The following AKAP6 variants were observed in gnomAD, a reference collection of about 807,000 sequenced individuals.
AKAP6 encodes A-kinase anchoring protein 6, also known as A-kinase anchor protein 6.
In AKAP6, 58 loss-of-function variants were observed where a neutral mutation model predicts 188.5. That is an observed-to-expected ratio of 0.31 (90% confidence interval 0.25 to 0.38). The LOEUF is 0.38. Among genes scored for constraint, AKAP6 ranks in the 10% least tolerant of loss-of-function variants. The pLI is 1.00. For synonymous variants in AKAP6, 989 were observed against 998.6 expected (o/e 0.99, Z 0.18); for missense variants, 2,710 against 2,740.0 (o/e 0.99, Z 0.24).
intron 7 of AKAP6, among the ~76,000 whole-genome samples, chr14:32,616,263 A>G (rs1243499583): frequency 1.3e-5 from 2 of 152,198 alleles, no homozygotes; most frequent in Non-Finnish European, 2.9e-5. Context: ...TATATATCCA[A>G]AGGAATATTA....
chr14:32,387,511 A>T (rs1345602202), intron 1 of AKAP6, among the ~76,000 whole-genome samples: 1 of 147,924 alleles, frequency 6.8e-6, no homozygotes, highest in Non-Finnish European at 1.5e-5. Flanking sequence ...GATATTTATA[A>T]TATATGTATT....
chr14:32,463,005 AG>A (rs1440284894), intron 2 of AKAP6, among the ~76,000 whole-genome samples: 1 of 144,246 alleles, frequency 6.9e-6, no homozygotes, highest in East Asian at 1.9e-4. Flanking sequence ...AGACAAAGAA[AG>A]GCATTACATA....
At chr14:32,382,804 G>C (rs960552973) in intron 1 of AKAP6, among the ~76,000 whole-genome samples, 4 of 152,120 alleles carry the variant, frequency 2.6e-5, no homozygotes, top group African/African-American at 9.7e-5. Context: ...AGTAAACTGT[G>C]GTACAGGGGA....
At chr14:32,516,730 T>C (rs1881541790) in intron 2 of AKAP6, among the ~76,000 whole-genome samples, 1 of 152,180 alleles carries the variant, frequency 6.6e-6, no homozygotes, top group African/African-American at 2.4e-5. Flanking sequence ...TTGAATTGGA[T>C]ATATCAATTG....
chr14:32,611,746 T>G (rs1886360337), intron 7 of AKAP6, among the ~76,000 whole-genome samples: 1 of 152,120 alleles, frequency 6.6e-6, no homozygotes, highest in Admixed American at 6.5e-5. Context: ...TCAAAGGAAC[T>G]TTTCATGGAG....
intron 12 of AKAP6, among the ~76,000 whole-genome samples, chr14:32,803,936 A>G (rs1187549856): frequency 6.6e-6 from 1 of 152,190 alleles, no homozygotes; most frequent in Non-Finnish European, 1.5e-5. Context: ...CATCCTTGGC[A>G]ACTCACTCAT....
intron 12 of AKAP6, among the ~76,000 whole-genome samples, chr14:32,780,269 T>G (rs1321916571): frequency 2.0e-5 from 3 of 151,154 alleles, no homozygotes; most frequent in Admixed American, 2.0e-4. Context: ...CTGGAGGACA[T>G]TATGCTAAGT....
intron 12 of AKAP6, among the ~76,000 whole-genome samples, chr14:32,802,603 A>C (rs1393776790): frequency 6.6e-6 from 1 of 152,202 alleles, no homozygotes; most frequent in Non-Finnish European, 1.5e-5. Context: ...CAATATCCTG[A>C]AAAGTGTTCA....
At chr14:32,791,018 T>C (rs1015545083) in intron 12 of AKAP6, among the ~76,000 whole-genome samples, 1 of 152,210 alleles carries the variant, frequency 6.6e-6, no homozygotes, top group African/African-American at 2.4e-5. Context: ...CAGTCTATCA[T>C]TGGTGGGCAT....
intron 1 of AKAP6, among the ~76,000 whole-genome samples, chr14:32,349,028 G>A (rs1386647611): frequency 3.3e-5 from 5 of 152,130 alleles, no homozygotes; most frequent in Non-Finnish European, 7.4e-5. Flanking sequence ...CACCCTCTAG[G>A]ACCTTTGTTA....
chr14:32,451,172 A>G (rs1235308408), intron 2 of AKAP6, among the ~76,000 whole-genome samples: 1 of 152,230 alleles, frequency 6.6e-6, no homozygotes, highest in Non-Finnish European at 1.5e-5. Flanking sequence ...ACTAAATTTT[A>G]TACTGGCTGG....
chr14:32,450,798 C>T (rs8013186), intron 2 of AKAP6, among the ~76,000 whole-genome samples: 41,791 of 151,986 alleles, frequency 0.27, 11,332 homozygotes, highest in African/African-American at 0.71. Flanking sequence ...AGGGAGGAAT[C>T]GAATTAATTG....
At chr14:32,665,321 G>T (rs551864511) in intron 7 of AKAP6, among the ~76,000 whole-genome samples, 130 of 152,254 alleles carry the variant, frequency 8.5e-4, no homozygotes, top group Non-Finnish European at 1.7e-3. Context: ...TTGGCTTCAA[G>T]TTGGGGTTCC....
intron 12 of AKAP6, among the ~76,000 whole-genome samples, chr14:32,785,913 T>TGAA (rs1370984013): frequency 5.3e-5 from 8 of 152,132 alleles, no homozygotes; most frequent in Non-Finnish European, 1.0e-4. Flanking sequence ...AAAAAACTGG[T>TGAA]GAAGACACAA....
intron 7 of AKAP6, among the ~76,000 whole-genome samples, chr14:32,621,464 T>A (rs1886812735): frequency 6.6e-6 from 1 of 152,150 alleles, no homozygotes; most frequent in Non-Finnish European, 1.5e-5. Context: ...TTATTTAACT[T>A]CCATGTGTTT....
intron 11 of AKAP6, among the ~76,000 whole-genome samples, chr14:32,752,849 A>T (rs556398840): frequency 1.3e-5 from 2 of 152,292 alleles, no homozygotes; most frequent in African/African-American, 4.8e-5. Flanking sequence ...GTTGTCACAA[A>T]TGACAGGATT....
At chr14:32,791,213 AACTAATTTAC>A (rs1321478137) in intron 12 of AKAP6, among the ~76,000 whole-genome samples, 1 of 152,172 alleles carries the variant, frequency 6.6e-6, no homozygotes, top group African/African-American at 2.4e-5. Context: ...ACAATGGTTG[AACTAATTTAC>A]ACTCCCACCA....
At chr14:32,806,951 G>A in intron 12 of AKAP6, among the ~76,000 whole-genome samples, 1 of 152,054 alleles carries the variant, frequency 6.6e-6, no homozygotes, top group African/African-American at 2.4e-5. Context: ...CTACTTGGGA[G>A]GCTGAGGTGG....
At chr14:32,438,570 A>G (rs1214675636) in intron 2 of AKAP6, 2 of 152,244 alleles carry the variant, frequency 1.3e-5, no homozygotes, top group Non-Finnish European at 2.9e-5. Flanking sequence ...GAGAGTGAAT[A>G]AAAGCAGAGA....
Sources: allele counts gnomAD v4.1 joint callset (sites outside exome capture counted in the v4.1 genomes callset), GRCh38; gene constraint gnomAD v4.1.1; transcripts MANE v1.5; gene names NCBI Gene and HGNC (gene_info 2026-07-23, HGNC 2026-07-21).